Variants in WWOX observed in about 807,000 individuals in gnomAD.
WWOX encodes WW domain containing oxidoreductase, also known as WW domain-containing oxidoreductase.
In WWOX, 69 loss-of-function variants were observed where a neutral mutation model predicts 46.2. The observed-to-expected ratio is 1.49, with a 90% CI of 1.23 to 1.82. WWOX has a LOEUF of 1.82. WWOX is among the 40% of genes most tolerant of loss of function. The probability of loss-of-function intolerance (pLI) is 0.00; values close to 1 mark genes in which losing one functional copy is unlikely to be tolerated. For synonymous variants in WWOX, 359 were observed against 202.6 expected, an observed-to-expected ratio of 1.77 and a Z score of -6.56; for missense variants, 919 against 542.6, an observed-to-expected ratio of 1.69 and a Z score of -6.89.
At chr16:78,955,009 C>T (rs977770253) in intron 8 of WWOX, among the ~76,000 whole-genome samples, 3 of 152,082 alleles carry the variant, frequency 2.0e-5, no homozygotes, top group East Asian at 1.9e-4. Context: ...AGGCTTATCT[C>T]AAACTCCTGG....
At chr16:78,995,887 T>C (rs2046978926) in intron 8 of WWOX, among the ~76,000 whole-genome samples, 1 of 152,200 alleles carries the variant, frequency 6.6e-6, no homozygotes, top group Non-Finnish European at 1.5e-5. Flanking sequence ...TGATCTTAAA[T>C]GGGATCATTT....
At chr16:78,660,263 C>G (rs1394758819) in intron 8 of WWOX, among the ~76,000 whole-genome samples, 1 of 152,206 alleles carries the variant, frequency 6.6e-6, no homozygotes, top group Non-Finnish European at 1.5e-5. Flanking sequence ...TGCGGACTGG[C>G]CACTGTGAGC....
intron 8 of WWOX, among the ~76,000 whole-genome samples, chr16:78,712,417 G>A (rs575271896): frequency 1.3e-5 from 2 of 151,838 alleles, no homozygotes; most frequent in Admixed American, 6.6e-5. Flanking sequence ...CGGGAGAATC[G>A]CTTGAACCCA....
chr16:78,326,200 A>G (rs2080609712), intron 5 of WWOX, among the ~76,000 whole-genome samples: 7 of 152,216 alleles, frequency 4.6e-5, no homozygotes, highest in Admixed American at 3.3e-4. Flanking sequence ...CAGCTAGATC[A>G]CAGTGGGGGA....
At position 78,386,866 on chromosome 16, in the gene WWOX, G is replaced by T; in HGVS notation, c.523G>T (p.Ala175Ser). 6.2e-7 allele frequency: 1 copy of T among 1,613,900 alleles called. No homozygotes were observed. Among genetic ancestry groups the T allele is most frequent in the East Asian group, 2.2e-5 (1 of 44,878 alleles). ...VSRILEEWHK[A>S]KVEAMTLDLA... is the part of the protein sequence containing the mutation. Reference sequence around the variant, plus strand: ...TTATTTTCTCTCATTGCAGCATAAAGCCAAGGTAGAAGCAATGACCCTGGA... The same window carrying T: ...TTATTTTCTCTCATTGCAGCATAAATCCAAGGTAGAAGCAATGACCCTGGA... Residue 175 changes from alanine to serine, a missense_variant, in exon 6 of 9, where the codon GCC (alanine) becomes TCC (serine). By Grantham distance (99) the Ala-to-Ser change is moderately conservative. Transcript: ENST00000566780.
chr16:78,989,105 C>G (rs923424469), intron 8 of WWOX, among the ~76,000 whole-genome samples: 2 of 151,910 alleles, frequency 1.3e-5, no homozygotes, highest in Non-Finnish European at 2.9e-5. Context: ...TTTTGGAGTC[C>G]TTAATTACTA....
At position 78,657,396 on chromosome 16, in the gene WWOX, C is replaced by A. The variant is rs77140746; in HGVS notation, c.1056+224644C>A. ...CATCCTGTAAAGGAGCCTGTGCTTC[C>A]CGACTCCCAGGGCCCTGCAGCATGT... On this transcript the variant is annotated intron_variant, in intron 8 of 8. Coordinates refer to ENST00000566780, the MANE Select transcript of WWOX (RefSeq NM_016373.4). 2.2e-3 allele frequency among the ~76,000 whole-genome samples: 331 copies of A among 152,210 alleles called. 2 individuals are homozygous for A. Among genetic ancestry groups the A allele is most frequent in the African/African-American group, 7.5e-3 (310 of 41,548 alleles).
chr16:78,931,603 G>T (rs568439259), intron 8 of WWOX, among the ~76,000 whole-genome samples: 7 of 152,318 alleles, frequency 4.6e-5, no homozygotes, highest in Admixed American at 6.5e-5. Flanking sequence ...TAATAGAGGA[G>T]GCACATATAA....
rs369126175 is a variant in WWOX at position 78,704,962 on chromosome 16, G to A, written c.1056+272210G>A. On this transcript the variant is annotated intron_variant, in intron 8 of 8. Coordinates refer to ENST00000566780, the MANE Select transcript of WWOX (RefSeq NM_016373.4). Reference sequence around the variant, plus strand: ...AGAGGAGGAAGCCTTAAAAACCAGCGACAGTCTTGGTTTTCTTAACCTGTC... The same window carrying A: ...AGAGGAGGAAGCCTTAAAAACCAGCAACAGTCTTGGTTTTCTTAACCTGTC... Among the ~76,000 whole-genome samples, 55 of 150,292 alleles carry A rather than the reference G, an allele frequency of 3.7e-4. 1 individual carries two copies. In the South Asian group the frequency reaches 6.7e-3, roughly 18 times the overall value.
chr16:78,365,673 C>A (rs2081520677), intron 5 of WWOX, among the ~76,000 whole-genome samples: 1 of 152,188 alleles, frequency 6.6e-6, no homozygotes, highest in Admixed American at 6.5e-5. Context: ...AGATTAGGAA[C>A]AGATTGCCAG....
chr16:78,821,392 T>A (rs1027367068), intron 8 of WWOX, among the ~76,000 whole-genome samples: 1 of 152,166 alleles, frequency 6.6e-6, no homozygotes, highest in Non-Finnish European at 1.5e-5. Context: ...TTATCCTTCT[T>A]TCCCCCTGCT....
intron 8 of WWOX, among the ~76,000 whole-genome samples, chr16:79,185,635 G>A (rs993405875): frequency 6.6e-6 from 1 of 152,106 alleles, no homozygotes; most frequent in East Asian, 1.9e-4. Context: ...ATGCAGGGAG[G>A]GCCTTTTGTC....
At chr16:79,143,021 A>G (rs1050822061) in intron 8 of WWOX, among the ~76,000 whole-genome samples, 11 of 152,118 alleles carry the variant, frequency 7.2e-5, no homozygotes, top group Admixed American at 4.6e-4. Flanking sequence ...TGTTTTTTAA[A>G]TAGCATTTTG....
intron 8 of WWOX, among the ~76,000 whole-genome samples, chr16:78,882,984 A>G (rs947886603): frequency 9.2e-5 from 14 of 152,130 alleles, no homozygotes; most frequent in Admixed American, 6.5e-4. Context: ...TGTGAGTGAC[A>G]TGTTTCTTTG....
chr16:78,510,492 C>G (rs1020150406), intron 8 of WWOX, among the ~76,000 whole-genome samples: 1 of 152,110 alleles, frequency 6.6e-6, no homozygotes, highest in East Asian at 1.9e-4. Flanking sequence ...GGATTACAGT[C>G]GTGAGCCACC....
chr16:78,336,989 C>T (rs541460624), intron 5 of WWOX, among the ~76,000 whole-genome samples: 1 of 152,120 alleles, frequency 6.6e-6, no homozygotes, highest in South Asian at 2.1e-4. Flanking sequence ...GCATGTTGGC[C>T]AGGCTGGTCT....
chr16:78,302,155 A>G (rs1031186717), intron 5 of WWOX, among the ~76,000 whole-genome samples: 2 of 151,870 alleles, frequency 1.3e-5, no homozygotes, highest in Non-Finnish European at 2.9e-5. Context: ...GAGAAGGGGT[A>G]TCGCCATGTT....
intron 5 of WWOX, among the ~76,000 whole-genome samples, chr16:78,360,141 C>T (rs546410054): frequency 8.5e-5 from 13 of 152,312 alleles, no homozygotes; most frequent in African/African-American, 3.1e-4. Flanking sequence ...AAAACTAACA[C>T]TATTCCCCCA....
chr16:79,058,621 C>T (rs1431393658), intron 8 of WWOX, among the ~76,000 whole-genome samples: 2 of 152,016 alleles, frequency 1.3e-5, no homozygotes, highest in African/African-American at 2.4e-5. Context: ...TGGCCTAATC[C>T]CTGGAAGGAA....
Sources: allele counts gnomAD v4.1 joint callset (sites outside exome capture counted in the v4.1 genomes callset), GRCh38; gene constraint gnomAD v4.1.1; transcripts MANE v1.5; gene names NCBI Gene and HGNC (gene_info 2026-07-23, HGNC 2026-07-21).